Variants in VTI1A observed in about 807,000 individuals in gnomAD.
VTI1A encodes the protein vesicle transport through interaction with t-SNAREs 1A.
VTI1A carries 22 observed loss-of-function variants against 34.9 expected under a neutral mutation model. The ratio of observed to expected loss-of-function variants is 0.63; its 90% confidence interval spans 0.45 to 0.90. The LOEUF is 0.90. VTI1A is among the 40% of genes least tolerant of loss of function. The pLI, the probability that VTI1A is intolerant of heterozygous loss-of-function variation, is 0.00. For synonymous variants in VTI1A, 87 were observed against 97.3 expected (o/e 0.89, Z 0.62); for missense variants, 268 against 275.6 (o/e 0.97, Z 0.20).
chr10:112,731,483 G>A (rs1247404388), intron 7 of VTI1A, among the ~76,000 whole-genome samples: 2 of 151,786 alleles, frequency 1.3e-5, no homozygotes, highest in Non-Finnish European at 2.9e-5. Context: ...GCTGAGGCAG[G>A]AGAATCGCTT....
the VTI1A span, among the ~76,000 whole-genome samples, chr10:112,842,064 T>C: frequency 2.5e-4 from 33 of 134,372 alleles, no homozygotes; most frequent in African/African-American, 9.4e-4. Context: ...TTTTTTTTTT[T>C]TTTTTTTTTT....
intron 5 of VTI1A, among the ~76,000 whole-genome samples, chr10:112,565,871 C>A (rs1013179653): frequency 2.0e-5 from 3 of 152,016 alleles, no homozygotes. Context: ...TTCAAAACCT[C>A]ATTTTTAAAA....
chr10:112,784,121 A>G (rs1381707687), intron 7 of VTI1A, among the ~76,000 whole-genome samples: 2 of 152,170 alleles, frequency 1.3e-5, no homozygotes, highest in Non-Finnish European at 2.9e-5. Context: ...GTGTTTTTTT[A>G]TCAGTTCAGA....
At chr10:112,613,556 G>T (rs1845401543) in intron 5 of VTI1A, among the ~76,000 whole-genome samples, 1 of 151,706 alleles carries the variant, frequency 6.6e-6, no homozygotes, top group Non-Finnish European at 1.5e-5. Context: ...TGCTCTTTTT[G>T]TATCCCCTCT....
rs187516768 is a variant in VTI1A at position 112,667,656 on chromosome 10, A to G, written c.428-562A>G. On this transcript the variant is annotated intron_variant, in intron 5 of 7. Coordinates refer to ENST00000393077, the MANE Select transcript of VTI1A (RefSeq NM_145206.4). ...TCACCTTGAGTTGACTCAAGTACCT[A>G]CAGCCACTGGTAACACGTTAAATGA... Among the ~76,000 whole-genome samples, 708 of 152,324 alleles carry G rather than the reference A, an allele frequency of 4.6e-3. 5 individuals carry two copies. Among genetic ancestry groups the G allele is most frequent in the African/African-American group, 0.016 (678 of 41,588 alleles).
At chr10:112,619,999 C>G (rs1238551267) in intron 5 of VTI1A, among the ~76,000 whole-genome samples, 1 of 152,162 alleles carries the variant, frequency 6.6e-6, no homozygotes, top group African/African-American at 2.4e-5. Context: ...CAGCAACAAT[C>G]TGGTTCTCCC....
chr10:112,760,628 C>T (rs545979661), intron 7 of VTI1A, among the ~76,000 whole-genome samples: 233 of 152,274 alleles, frequency 1.5e-3, no homozygotes, highest in African/African-American at 4.8e-3. Context: ...CAGTGGCTCA[C>T]GCCTGCAATC....
At chr10:112,635,170 A>G (rs572688648) in intron 5 of VTI1A, among the ~76,000 whole-genome samples, 1 of 152,220 alleles carries the variant, frequency 6.6e-6, no homozygotes, top group Non-Finnish European at 1.5e-5. Flanking sequence ...AAAAGATAAC[A>G]CATTTCCTGC....
At chr10:112,537,597 A>G (rs529888422) in intron 4 of VTI1A, among the ~76,000 whole-genome samples, 1 of 152,182 alleles carries the variant, frequency 6.6e-6, no homozygotes, top group East Asian at 1.9e-4. Context: ...ATCAACATCA[A>G]TCTACATAGT....
At chr10:112,770,387 T>C (rs1851771368) in intron 7 of VTI1A, among the ~76,000 whole-genome samples, 1 of 151,898 alleles carries the variant, frequency 6.6e-6, no homozygotes, top group African/African-American at 2.4e-5. Flanking sequence ...TAATTCCAAA[T>C]GTTTTCTTTT....
At chr10:112,610,295 A>G (rs1845248259) in intron 5 of VTI1A, among the ~76,000 whole-genome samples, 1 of 152,014 alleles carries the variant, frequency 6.6e-6, no homozygotes, top group African/African-American at 2.4e-5. Flanking sequence ...GAAGCCAATG[A>G]TGAGCTGTTG....
chr10:112,560,849 G>A (rs890993102), intron 5 of VTI1A, among the ~76,000 whole-genome samples: 19 of 151,944 alleles, frequency 1.3e-4, no homozygotes, highest in South Asian at 8.3e-4. Flanking sequence ...CACCCACCTC[G>A]GCCTCCCAGA....
intron 7 of VTI1A, among the ~76,000 whole-genome samples, chr10:112,680,437 C>G (rs1239552680): frequency 6.6e-6 from 1 of 152,156 alleles, no homozygotes; most frequent in Non-Finnish European, 1.5e-5. Flanking sequence ...GAACTTGGAC[C>G]AGAACCCTGG....
intron 5 of VTI1A, among the ~76,000 whole-genome samples, chr10:112,593,349 G>C (rs996881861): frequency 6.6e-6 from 1 of 152,150 alleles, no homozygotes; most frequent in Non-Finnish European, 1.5e-5. Flanking sequence ...TATTTTCTGA[G>C]TTCGTGGTGA....
intron 3 of VTI1A, among the ~76,000 whole-genome samples, chr10:112,525,779 A>G (rs191515003): frequency 2.0e-5 from 3 of 152,126 alleles, no homozygotes; most frequent in South Asian, 4.1e-4. Flanking sequence ...TTTAAAGTCT[A>G]TTGGTTGTTC....
the VTI1A span, chr10:112,827,747 C>A: frequency 2.0e-5 from 3 of 152,076 alleles, no homozygotes; most frequent in South Asian, 6.2e-4. Context: ...CCCATCTTTT[C>A]CATTTGAATT....
intron 7 of VTI1A, among the ~76,000 whole-genome samples, chr10:112,765,850 C>T (rs1851631963): frequency 6.6e-6 from 1 of 152,170 alleles, no homozygotes; most frequent in Non-Finnish European, 1.5e-5. Flanking sequence ...CTGTGTCTAA[C>T]CTATCTCTCT....
chr10:112,781,814 C>T (rs1852136606), intron 7 of VTI1A, among the ~76,000 whole-genome samples: 2 of 152,098 alleles, frequency 1.3e-5, no homozygotes, highest in Non-Finnish European at 2.9e-5. Flanking sequence ...AAGACTGCAC[C>T]ACTGCACTCC....
intron 4 of VTI1A, among the ~76,000 whole-genome samples, chr10:112,532,386 C>T (rs1850479098): frequency 6.6e-6 from 1 of 152,156 alleles, no homozygotes. Flanking sequence ...AGTCGTAGAC[C>T]TGAATTGCTG....
Sources: allele counts gnomAD v4.1 joint callset (sites outside exome capture counted in the v4.1 genomes callset), GRCh38; gene constraint gnomAD v4.1.1; transcripts MANE v1.5; gene names NCBI Gene and HGNC (gene_info 2026-07-23, HGNC 2026-07-21).